The following GLRB variants were observed in gnomAD, a reference collection of about 807,000 sequenced individuals.
The protein encoded by GLRB is glycine receptor beta, also known as glycine receptor subunit beta.
Under a neutral mutation model 54.2 loss-of-function variants are expected in GLRB, and 33 were observed. The ratio of observed to expected loss-of-function variants is 0.61; its 90% confidence interval spans 0.46 to 0.81. The LOEUF is 0.81. GLRB is among the 40% of genes least tolerant of loss of function. The pLI, the probability that GLRB is intolerant of heterozygous loss-of-function variation, is 0.00. For missense variants in GLRB, 572 were observed against 584.6 expected (o/e 0.98, Z 0.22); for synonymous variants, 209 against 208.2 (o/e 1.00, Z -0.03).
intron 7 of GLRB, among the ~76,000 whole-genome samples, chr4:157,142,697 A>G (rs1209818585): frequency 6.6e-6 from 1 of 152,176 alleles, no homozygotes; most frequent in East Asian, 1.9e-4. Flanking sequence ...AAGTAACATT[A>G]TTCTTTCCCC....
intron 2 of GLRB, among the ~76,000 whole-genome samples, chr4:157,098,261 G>A (rs2126472540): frequency 6.6e-6 from 1 of 152,170 alleles, no homozygotes; most frequent in African/African-American, 2.4e-5. Flanking sequence ...TCATTGCTGT[G>A]TACTATTTAA....
In GLRB at chr4:157,138,883, C is replaced by A; in HGVS notation, c.685C>A (p.Pro229Thr). ...DPVQLEKIAL[P>T]QFDIKKEDIE... is the part of the protein sequence containing the mutation. ...TGTGCAATTAGAAAAAATTGCCTTG[C>A]CTCAATTTGATATCAAAAAGGAAGA... The change falls in exon 7 of 10, where the codon CCT becomes ACT. Residue 229 changes from proline (P) to threonine (T), a missense_variant. Coordinates refer to ENST00000264428, the MANE Select transcript of GLRB (RefSeq NM_000824.5). 6.6e-7 allele frequency: 1 copy of A among 1,519,198 alleles called. No homozygotes were observed. The highest frequency in any genetic ancestry group is 9.1e-7 in the Non-Finnish European group (1 of 1,094,572). 94.1% of individuals were successfully genotyped at this position (1,519,198 alleles called of 1,614,324 possible).
intron 4 of GLRB, among the ~76,000 whole-genome samples, chr4:157,128,319 A>T (rs759773650): frequency 2.0e-5 from 3 of 151,784 alleles, no homozygotes; most frequent in Non-Finnish European, 4.4e-5. Flanking sequence ...TTCAAGTTAC[A>T]TTATTTGGAA....
chr4:157,090,233 AT>A (rs1734562154), intron 2 of GLRB, among the ~76,000 whole-genome samples: 1 of 152,232 alleles, frequency 6.6e-6, no homozygotes, highest in African/African-American at 2.4e-5. Flanking sequence ...CTTATTACAA[AT>A]TGAAACAGAA....
At chr4:157,117,330 A>G (rs868499864) in intron 2 of GLRB, among the ~76,000 whole-genome samples, 8 of 151,810 alleles carry the variant, frequency 5.3e-5, no homozygotes, top group African/African-American at 1.9e-4. Flanking sequence ...GTTTCTTCAT[A>G]CACCATGTAC....
At chr4:157,104,233 C>G (rs2126489379) in intron 2 of GLRB, among the ~76,000 whole-genome samples, 1 of 152,098 alleles carries the variant, frequency 6.6e-6, no homozygotes, top group South Asian at 2.1e-4. Flanking sequence ...CCTTCTATTC[C>G]TAGTTGATTG....
At chr4:157,137,852 C>A (rs1579230499) in intron 6 of GLRB, among the ~76,000 whole-genome samples, 2 of 152,126 alleles carry the variant, frequency 1.3e-5, no homozygotes, top group East Asian at 3.9e-4. Context: ...TTACTGGATG[C>A]ACTAAAATAT....
intron 8 of GLRB, among the ~76,000 whole-genome samples, chr4:157,147,859 C>A (rs67441935): frequency 2.6e-5 from 4 of 152,040 alleles, no homozygotes; most frequent in African/African-American, 9.7e-5. Flanking sequence ...GGGCCATATG[C>A]TTTCTGTCAT....
intron 4 of GLRB, among the ~76,000 whole-genome samples, chr4:157,126,212 T>A (rs938453524): frequency 2.6e-5 from 4 of 151,926 alleles, no homozygotes; most frequent in South Asian, 2.1e-4. Flanking sequence ...TTGGAAAAAA[T>A]TTGTTTTTGC....
At chr4:157,135,585 C>T (rs181472227) in intron 4 of GLRB, among the ~76,000 whole-genome samples, 1 of 152,244 alleles carries the variant, frequency 6.6e-6, no homozygotes, top group Non-Finnish European at 1.5e-5. Context: ...GCTCCTCCTT[C>T]ACCTTCTGTC....
At chr4:157,161,639 A>C (rs1021786455) in intron 9 of GLRB, among the ~76,000 whole-genome samples, 1 of 152,164 alleles carries the variant, frequency 6.6e-6, no homozygotes, top group African/African-American at 2.4e-5. Context: ...TCTTCTCTTT[A>C]AGAATGTTGA....
intron 2 of GLRB, among the ~76,000 whole-genome samples, chr4:157,112,835 G>A (rs1310973512): frequency 6.6e-6 from 1 of 151,910 alleles, no homozygotes; most frequent in Non-Finnish European, 1.5e-5. Flanking sequence ...TGAACTGTAG[G>A]CAGCCAACAT....
intron 4 of GLRB, among the ~76,000 whole-genome samples, chr4:157,130,803 T>A (rs2126553274): frequency 6.6e-6 from 1 of 151,740 alleles, no homozygotes; most frequent in African/African-American, 2.4e-5. Context: ...AATTCTGTGT[T>A]TAGCCCTTTG....
rs1318581034 is a variant in GLRB at position 157,172,023 on chromosome 4, G to A, written c.*1295G>A. ...TAAAGAAGTATATTTACATTATCTGGAGAGTTTTGTTGCAGCTACGAGTTT... is the reference window on the plus strand; with the variant it reads ...TAAAGAAGTATATTTACATTATCTGAAGAGTTTTGTTGCAGCTACGAGTTT... On this transcript the variant is annotated 3_prime_UTR_variant, in exon 10 of 10. Coordinates refer to ENST00000264428, the MANE Select transcript of GLRB (RefSeq NM_000824.5). The A allele has an allele frequency of 6.6e-6, 1 of 151,786 alleles. No individual in the cohort carries two copies. Among genetic ancestry groups the A allele is most frequent in the African/African-American group, 2.4e-5 (1 of 41,400 alleles). 9.4% of individuals were successfully genotyped at this position (151,786 alleles called of 1,614,324 possible).
Position 157,120,615 on chromosome 4 carries a change from ACAGGTTATTGGT to A in GLRB, c.186_197del (p.Arg62_Val65del), listed in dbSNP as rs1212784259. 6.3e-7 allele frequency: 1 copy of A among 1,599,956 alleles called. No individual in the cohort carries two copies. Among genetic ancestry groups the A allele is most frequent in the Non-Finnish European group, 8.6e-7 (1 of 1,169,512 alleles). On this transcript the variant is annotated inframe_deletion, in exon 3 of 10. Transcript: ENST00000264428. The stretch of plus-strand genomic sequence containing the variant: ...GCCAACTCCACTAGCAATATCTTGA[ACAGGTTATTGGT>A]CAGTTATGATCCCAGGATAAGACCA...
Position 157,143,878 on chromosome 4 carries a change from G to A in GLRB, c.823G>A (p.Ala275Thr), listed in dbSNP as rs1163550019. The A allele has an allele frequency of 1.9e-6, 3 of 1,613,606 alleles. No individual in the cohort carries two copies. Among genetic ancestry groups the A allele is most frequent in the Non-Finnish European group, 1.7e-6 (2 of 1,179,706 alleles). The stretch of plus-strand genomic sequence containing the variant: ...CGGCTTTTACATGATGGGGGTCTAC[G>A]CCCCAACTCTGCTCATTGTTGTTCT... ...QVGFYMMGVY[A>T]PTLLIVVLSW... Residue 275 changes from alanine (A) to threonine (T), a missense_variant, in exon 8 of 10, where the codon GCC (alanine) becomes ACC (threonine). By Grantham distance (58) the Ala-to-Thr change is moderately conservative. Coordinates refer to ENST00000264428, the MANE Select transcript of GLRB (RefSeq NM_000824.5).
chr4:157,083,372 G>A (rs1734294364), intron 2 of GLRB, among the ~76,000 whole-genome samples: 1 of 149,078 alleles, frequency 6.7e-6, no homozygotes, highest in Admixed American at 6.7e-5. Flanking sequence ...GCTACGGGGA[G>A]GGATATTTTT....
rs1223747303 is a variant in GLRB, at chr4:157,171,415, T to C, written c.*687T>C. On this transcript the variant is annotated 3_prime_UTR_variant, in exon 10 of 10. Transcript: ENST00000264428. ...TGAATTCTGACAAAATAAAAAAAGA[T>C]ACCTTATTGACGAAATATTTAGGAT... 1.3e-5 allele frequency: 2 copies of C among 152,298 alleles called. No homozygotes were observed. The highest frequency in any genetic ancestry group is 2.4e-5 in the African/African-American group (1 of 41,440). 9.4% of individuals were successfully genotyped at this position (152,298 alleles called of 1,614,324 possible). A position where few individuals can be genotyped will look rare whatever the true frequency, so the allele number is the denominator to read the frequency against.
Position 157,100,811 on chromosome 4 carries a change from C to A in GLRB, c.123-19745C>A, listed in dbSNP as rs9997105. 4.5e-3 allele frequency among the ~76,000 whole-genome samples: 689 copies of A among 152,212 alleles called. 5 individuals are homozygous for A. The highest frequency in any genetic ancestry group is 0.015 in the African/African-American group (631 of 41,560). ...GGGATTTTGGTTATATGAACCTTAG[C>A]AAATACAAACTATGACACTGAATAG... is the stretch of plus-strand genomic sequence containing the variant. On this transcript the variant is annotated intron_variant, in intron 2 of 9. Transcript: ENST00000264428.
Sources: allele counts gnomAD v4.1 joint callset (sites outside exome capture counted in the v4.1 genomes callset), GRCh38; gene constraint gnomAD v4.1.1; transcripts MANE v1.5; gene names NCBI Gene and HGNC (gene_info 2026-07-23, HGNC 2026-07-21).